Variants in LRRC4 observed in about 807,000 individuals in gnomAD.
LRRC4 encodes the protein leucine rich repeat containing 4.
A neutral mutation model predicts 37.9 loss-of-function variants in LRRC4; 11 were observed. That is an observed-to-expected ratio of 0.29 (90% CI 0.18 to 0.48). LRRC4 has a LOEUF of 0.48. Among genes scored for constraint, LRRC4 ranks in the 20% least tolerant of loss-of-function variants. The pLI, the probability that LRRC4 is intolerant of heterozygous loss-of-function variation, is 0.99. For synonymous variants in LRRC4, 404 were observed against 346.7 expected (o/e 1.17, Z -1.84); for missense variants, 717 against 842.1 (o/e 0.85, Z 1.84).
In LRRC4 at chr7:128,029,297, G is replaced by T. The variant is rs1462981579; in HGVS notation, c.1344C>A (p.Thr448=). 6.2e-7 allele frequency: 1 copy of T among 1,614,188 alleles called. No individual in the cohort carries two copies. Among genetic ancestry groups the T allele is most frequent in the South Asian group, 1.1e-5 (1 of 91,070 alleles). Residue 448 remains threonine (T), a synonymous_variant, in exon 2 of 2, where the codon ACC becomes ACA. Transcript: ENST00000249363. The surrounding 1 kb of genome is among the most constrained non-coding windows in gnomAD (Gnocchi z 4.2). ...CTGTGGTGAAGAAGCTGTAGTTGGA[G>T]GTGTTAAGCTCAGCCGTGCTCACAT... ...YLNVSTAELN[T]SNYSFFTTVT...
rs1187419932 is a variant in LRRC4 at position 128,030,756 on chromosome 7, G to T, written c.-100-16C>A. 1.1e-5 allele frequency: 14 copies of T among 1,310,834 alleles called. No individual in the cohort carries two copies. Among genetic ancestry groups the T allele is most frequent in the East Asian group, 4.9e-5 (2 of 40,586 alleles). 81.2% of individuals were successfully genotyped at this position (1,310,834 alleles called of 1,614,324 possible). On this transcript the variant is annotated splice_polypyrimidine_tract_variant and intron_variant, in intron 1 of 1. Coordinates refer to ENST00000249363, the MANE Select transcript of LRRC4 (RefSeq NM_022143.5). ...CTCTTTCCATCTGGAGAAGGAGGTG[G>T]GGAGGGGGCGATTAGAGAGACGGAG...
In LRRC4 at chr7:128,030,377, C is replaced by T; in HGVS notation, c.264G>A (p.Gln88=). 6.2e-7 allele frequency: 1 copy of T among 1,613,966 alleles called. No homozygotes were observed. The highest frequency in any genetic ancestry group is 8.5e-7 in the Non-Finnish European group (1 of 1,180,022). Residue 88 remains glutamine (Q), a synonymous_variant, in exon 2 of 2, where the codon CAG becomes CAA. Coordinates refer to ENST00000249363, the MANE Select transcript of LRRC4 (RefSeq NM_022143.5). The stretch of plus-strand genomic sequence containing the variant: ...GGCGGAAGGTGTCGGCCTGGATCAT[C>T]TGGATGTTGTTCTCCATGAGGTTGA... ...RYLNLMENNI[Q]MIQADTFRHL... is the part of the protein sequence containing the mutation.
Position 128,028,642 on chromosome 7 carries a change from T to C in LRRC4, c.*37A>G, listed in dbSNP as rs915057546. 4 of 1,573,594 alleles carry C rather than the reference T, an allele frequency of 2.5e-6. No homozygotes were observed. The African/African-American group carries it at 5.4e-5, about 21-fold the overall frequency. Reference sequence around the variant, plus strand: ...ACAAAAGTTGCTGTCTTTGTGTGCATTCTATTGCATTTTATAAGTTTTTTG... The same window carrying C: ...ACAAAAGTTGCTGTCTTTGTGTGCACTCTATTGCATTTTATAAGTTTTTTG... On this transcript the variant is annotated 3_prime_UTR_variant, in exon 2 of 2. Coordinates refer to ENST00000249363, the MANE Select transcript of LRRC4 (RefSeq NM_022143.5).
Position 128,029,367 on chromosome 7 carries a change from A to G in LRRC4, c.1274T>C (p.Met425Thr), listed in dbSNP as rs1792505515. 1 of 1,614,202 alleles carries G rather than the reference A, an allele frequency of 6.2e-7. No homozygotes were observed. ...GGAGTTGCCTGCAACATTGGTCACC[A>G]TGCATGTGTACACCCCAGTGTCTGA... ...LLSDTGVYTCMVTNVAGNSNA... is the reference protein window; with the variant it reads ...LLSDTGVYTCTVTNVAGNSNA... Residue 425 changes from methionine to threonine, a missense_variant, in exon 2 of 2, where the codon ATG becomes ACG. Physicochemically the swap from Met to Thr is moderately conservative, Grantham distance 81 (BLOSUM62 -1). Around this residue, in one of 5 missense-constraint regions of LRRC4, gnomAD observed 293 missense variants for 268.3 expected, o/e 1.09. Coordinates refer to ENST00000249363, the MANE Select transcript of LRRC4 (RefSeq NM_022143.5). This position sits in a 1 kb window ranked among gnomAD's most constrained non-coding sequence, Gnocchi z 4.2.
At chr7:128,032,037 C>G (rs865907454), upstream of LRRC4, 1 of 151,834 alleles carries the variant, frequency 6.6e-6, no homozygotes, top group Non-Finnish European at 1.5e-5. Context: ...GCGCCGGGCT[C>G]GCGGTGTTGC....
At position 128,027,591 on chromosome 7, in the gene LRRC4, A is replaced by G. The variant is rs543886858; in HGVS notation, c.*1088T>C. On this transcript the variant is annotated 3_prime_UTR_variant, in exon 2 of 2. Coordinates refer to ENST00000249363, the MANE Select transcript of LRRC4 (RefSeq NM_022143.5). ...AATCAGCATTTAGAAGAGTCACCAA[A>G]TCACAAGCATGAGAAAAGCTTCCAC... 7.2e-5 allele frequency: 11 copies of G among 152,338 alleles called. No homozygotes were observed. The highest frequency in any genetic ancestry group is 1.3e-4 in the Non-Finnish European group (9 of 68,012). The allele number at this position is 152,338 out of a possible 1,614,324, so 9.4% of individuals were successfully genotyped here. A position where few individuals can be genotyped will look rare whatever the true frequency, so the allele number is the denominator to read the frequency against.
upstream of LRRC4, among the ~76,000 whole-genome samples, chr7:128,031,788 G>A (rs1434092813): frequency 2.1e-5 from 3 of 143,172 alleles, no homozygotes; most frequent in Non-Finnish European, 4.6e-5. Flanking sequence ...GTCGCCGCCC[G>A]CCGCTGCCCG....
In LRRC4 at chr7:128,027,170, C is replaced by G. The variant is rs1460034977; in HGVS notation, c.*1509G>C. ...CAATTCCCCTCCCCCACCCATACCA[C>G]CCCCTTTCAAATCTGAACCCCTTAT... On this transcript the variant is annotated 3_prime_UTR_variant, in exon 2 of 2. Transcript: ENST00000249363. The G allele has an allele frequency of 6.6e-6, 1 of 151,770 alleles. No homozygotes were observed. The highest frequency in any genetic ancestry group is 1.5e-5 in the Non-Finnish European group (1 of 67,864). 9.4% of individuals were successfully genotyped at this position (151,770 alleles called of 1,614,324 possible).
chr7:128,029,228 T>C lies in LRRC4; in HGVS notation c.1413A>G (p.Arg471=), dbSNP rs1792499743. Residue 471 remains arginine, a synonymous_variant, in exon 2 of 2, where the codon CGA becomes CGG. Coordinates refer to ENST00000249363, the MANE Select transcript of LRRC4 (RefSeq NM_022143.5). The surrounding 1 kb of genome is among the most constrained non-coding windows in gnomAD (Gnocchi z 4.2). ...TTEISPEDTT[R]KYKPVPTTST... ...ACGTGGTAGGAACAGGCTTGTACTT[T>C]CGCGTTGTGTCCTCAGGCGAGATCT... 6.2e-7 allele frequency: 1 copy of C among 1,614,106 alleles called. No homozygotes were observed. The highest frequency in any genetic ancestry group is 8.5e-7 in the Non-Finnish European group (1 of 1,180,030).
rs2116980753 is a variant in LRRC4, at chr7:128,029,150, A to G, written c.1491T>C (p.Thr497=). ...YTTSTTVLIQ[T]TRVPKQVAVP... ...CTGCCACCTGCTTGGGCACACGGGT[A>G]GTCTGAATGAGCACCGTGGTAGAGG... Residue 497 remains threonine, a synonymous_variant, in exon 2 of 2, where the codon ACT becomes ACC. Coordinates refer to ENST00000249363, the MANE Select transcript of LRRC4 (RefSeq NM_022143.5). This position sits in a 1 kb window ranked among gnomAD's most constrained non-coding sequence, Gnocchi z 4.2. 1 of 1,614,082 alleles carries G rather than the reference A, an allele frequency of 6.2e-7. No individual in the cohort carries two copies. Among genetic ancestry groups the G allele is most frequent in the Non-Finnish European group, 8.5e-7 (1 of 1,180,026 alleles).
In LRRC4 at chr7:128,028,875, C is replaced by A; in HGVS notation, c.1766G>T (p.Gly589Val). Residue 589 changes from glycine to valine, a missense_variant, in exon 2 of 2, where the codon GGT becomes GTT. By Grantham distance (109) the Gly-to-Val change is moderately radical. Transcript: ENST00000249363. ...TSAAATAAPS[G>V]VSGEGAVVLP... ...CACTACTGCCCCCTCACCTGATACACCGGACGGAGCTGCTGTTGCTGCTGC... is the reference window on the plus strand; with the variant it reads ...CACTACTGCCCCCTCACCTGATACAACGGACGGAGCTGCTGTTGCTGCTGC... 2.5e-6 allele frequency: 4 copies of A among 1,614,160 alleles called. No homozygotes were observed. Among genetic ancestry groups the A allele is most frequent in the Non-Finnish European group, 3.4e-6 (4 of 1,179,994 alleles).
chr7:128,030,631 A>G lies in LRRC4; in HGVS notation c.10T>C (p.Leu4=), dbSNP rs772682034. MKL[L]WQVTVHHHTW... ...TGGTGGTGCACAGTTACCTGCCACA[A>G]GAGCTTCATGGTGTGGCACGTTCAT... Residue 4 remains leucine, a synonymous_variant, in exon 2 of 2, where the codon TTG becomes CTG. Coordinates refer to ENST00000249363, the MANE Select transcript of LRRC4 (RefSeq NM_022143.5). 119 of 1,559,704 alleles carry G rather than the reference A, an allele frequency of 7.6e-5. No individual in the cohort carries two copies. The highest frequency in any genetic ancestry group is 9.8e-5 in the Non-Finnish European group (113 of 1,149,284).
chr7:128,031,613 C>T (rs1425125665), upstream of LRRC4: 1 of 148,970 alleles, frequency 6.7e-6, no homozygotes, highest in Non-Finnish European at 1.5e-5. Flanking sequence ...GTCCGGCCCC[C>T]GAGGACCAGC....
In LRRC4 at chr7:128,029,798, C is replaced by T. The variant is rs1563094473; in HGVS notation, c.843G>A (p.Leu281=). ...TCAGCGGGGTAAAGAGGTCATGGGG[C>T]AAAGAAGAGAGGTTATTGTGGGCCA... The part of the protein sequence containing the change: ...LNLAHNNLSS[L]PHDLFTPLRY... The change falls in exon 2 of 2, where the codon TTG becomes TTA. Residue 281 remains leucine, a synonymous_variant. Transcript: ENST00000249363. The surrounding 1 kb of genome is among the most constrained non-coding windows in gnomAD (Gnocchi z 4.2). 1 of 1,613,846 alleles carries T rather than the reference C, an allele frequency of 6.2e-7. No individual in the cohort carries two copies. The highest frequency in any genetic ancestry group is 8.5e-7 in the Non-Finnish European group (1 of 1,180,020).
rs1257463016 is a variant in LRRC4, at chr7:128,029,921, G to C, written c.720C>G (p.Gly240=). 7 of 1,613,200 alleles carry C rather than the reference G, an allele frequency of 4.3e-6. No individual in the cohort carries two copies. The highest frequency in any genetic ancestry group is 4.2e-6 in the Non-Finnish European group (5 of 1,180,020). The change falls in exon 2 of 2, where the codon GGC becomes GGG. Residue 240 remains glycine, a synonymous_variant. Transcript: ENST00000249363. This position sits in a 1 kb window ranked among gnomAD's most constrained non-coding sequence, Gnocchi z 4.2. ...FPEIRPGSFH[G]LSSLKKLWVM... ...CCCAGAGCTTCTTGAGGGAGCTCAG[G>C]CCATGGAAGGAGCCAGGCCTGATCT...
rs887548879 is a variant in LRRC4, at chr7:128,031,381, G to A, written c.-569C>T. On this transcript the variant is annotated 5_prime_UTR_variant, in exon 1 of 2. Coordinates refer to ENST00000249363, the MANE Select transcript of LRRC4 (RefSeq NM_022143.5). Reference sequence around the variant, plus strand: ...GCCGCCCAGGCCGCACTCGCTGGATGCTGCGCTCCCTCTCCCGGCGTCGGC... The same window carrying A: ...GCCGCCCAGGCCGCACTCGCTGGATACTGCGCTCCCTCTCCCGGCGTCGGC... The A allele has an allele frequency of 6.6e-6, 1 of 151,906 alleles. No homozygotes were observed. Among genetic ancestry groups the A allele is most frequent in the Non-Finnish European group, 1.5e-5 (1 of 67,956 alleles). 9.4% of individuals were successfully genotyped at this position (151,906 alleles called of 1,614,324 possible). A position where few individuals can be genotyped will look rare whatever the true frequency, so the allele number is the denominator to read the frequency against.
Position 128,030,564 on chromosome 7 carries a change from G to T in LRRC4, c.77C>A (p.Ala26Glu). 6.2e-7 allele frequency: 1 copy of T among 1,611,508 alleles called. No homozygotes were observed. Among genetic ancestry groups the T allele is most frequent in the Non-Finnish European group, 8.5e-7 (1 of 1,178,400 alleles). Residue 26 changes from alanine (A) to glutamate (E), a missense_variant, in exon 2 of 2, where the codon GCG (alanine) becomes GAG (glutamate). By Grantham distance (107) the Ala-to-Glu change is moderately radical. Coordinates refer to ENST00000249363, the MANE Select transcript of LRRC4 (RefSeq NM_022143.5). The part of the protein sequence containing the change: ...AILLPFVYLT[A>E]QVWILCAAIA... ...GGCTGCACACAGAATCCACACTTGC[G>T]CCGTGAGGTAGACGAACGGGAGCAG...
upstream of LRRC4, chr7:128,032,020 C>G (rs1216347220): frequency 6.6e-6 from 1 of 151,696 alleles, no homozygotes; most frequent in Admixed American, 6.6e-5. Context: ...CCCACCGTCT[C>G]CTCCTCGCGC....
chr7:128,028,577 T>A lies in LRRC4; in HGVS notation c.*102A>T, dbSNP rs908811046. 8.9e-5 allele frequency: 97 copies of A among 1,083,850 alleles called. No homozygotes were observed. The highest frequency in any genetic ancestry group is 1.2e-4 in the Non-Finnish European group (88 of 746,184). 67.1% of individuals were successfully genotyped at this position (1,083,850 alleles called of 1,614,324 possible). A position where few individuals can be genotyped will look rare whatever the true frequency, so the allele number is the denominator to read the frequency against. ...TTTTTTAACCAGCCCATAGACTTAATATATAAGCATATACAAGAAAAAGTC... is the reference window on the plus strand; with the variant it reads ...TTTTTTAACCAGCCCATAGACTTAAAATATAAGCATATACAAGAAAAAGTC... On this transcript the variant is annotated 3_prime_UTR_variant, in exon 2 of 2. Transcript: ENST00000249363.
Sources: allele counts gnomAD v4.1 joint callset (sites outside exome capture counted in the v4.1 genomes callset), GRCh38; gene constraint gnomAD v4.1.1; regional missense constraint gnomAD v4.1.1; non-coding constraint Gnocchi (gnomAD v3.1); transcripts MANE v1.5; gene names NCBI Gene and HGNC (gene_info 2026-07-23, HGNC 2026-07-21).